EBPL: variants seen among roughly 807,000 people sequenced by gnomAD.
EBPL encodes the protein emopamil-binding protein-like.
EBPL carries 20 observed loss-of-function variants against 19.0 expected under a neutral mutation model. The ratio of observed to expected loss-of-function variants is 1.05; its 90% CI spans 0.74 to 1.53. The LOEUF (loss-of-function observed/expected upper bound fraction) is 1.53. EBPL is among the 40% of genes most tolerant of loss of function. The pLI, the probability that EBPL is intolerant of heterozygous loss-of-function variation, is 0.00. For synonymous variants in EBPL, 107 were observed against 117.0 expected (o/e 0.91, Z 0.55); for missense variants, 219 against 261.1 (o/e 0.84, Z 1.11).
rs73483834 is a variant in EBPL, at chr13:49,690,582, A to C, written c.171+672T>G. 9.8e-3 allele frequency among the ~76,000 whole-genome samples: 1,497 copies of C among 152,216 alleles called. 26 individuals are homozygous for C. The highest frequency in any genetic ancestry group is 0.034 in the African/African-American group (1,429 of 41,524). ...TTTTATAAAATGGGTTGAATCTCTAAGGACACATATTTCCTAAGACCTCGA... is the reference window on the plus strand; with the variant it reads ...TTTTATAAAATGGGTTGAATCTCTACGGACACATATTTCCTAAGACCTCGA... On this transcript the variant is annotated intron_variant, in intron 1 of 3. Transcript: ENST00000242827.
intron 3 of EBPL, chr13:49,662,004 T>A (rs1965157689): frequency 7.4e-7 from 1 of 1,351,048 alleles, no homozygotes; most frequent in South Asian, 1.2e-5. Flanking sequence ...TTTTCATCCT[T>A]TTTTTTTGAG....
At chr13:49,671,630 C>G (rs1953817510) in intron 1 of EBPL, among the ~76,000 whole-genome samples, 1 of 152,208 alleles carries the variant, frequency 6.6e-6, no homozygotes, top group Non-Finnish European at 1.5e-5. Flanking sequence ...ACTTTCTACA[C>G]AAAGCACATC....
intron 1 of EBPL, among the ~76,000 whole-genome samples, chr13:49,671,680 T>A (rs1361890419): frequency 2.0e-5 from 3 of 152,202 alleles, no homozygotes; most frequent in Non-Finnish European, 4.4e-5. Context: ...TGGACTGGAT[T>A]TGACCCTCTC....
chr13:49,690,703 T>C (rs941583303), intron 1 of EBPL, among the ~76,000 whole-genome samples: 1 of 152,208 alleles, frequency 6.6e-6, no homozygotes, highest in African/African-American at 2.4e-5. Context: ...TTGCAGCGCC[T>C]ACCTTCACCT....
At chr13:49,676,239 C>G (rs993128033) in intron 1 of EBPL, among the ~76,000 whole-genome samples, 1 of 126,244 alleles carries the variant, frequency 7.9e-6, no homozygotes, top group Non-Finnish European at 1.8e-5. Flanking sequence ...GGCAAGGGGT[C>G]TGCAGTGAAT....
intron 1 of EBPL, among the ~76,000 whole-genome samples, chr13:49,690,996 CAT>C (rs761263025): frequency 2.0e-5 from 3 of 152,228 alleles, no homozygotes; most frequent in African/African-American, 7.2e-5. Context: ...TCTAAACTAA[CAT>C]AGCACGTACA....
At chr13:49,689,537 C>CG in intron 1 of EBPL, among the ~76,000 whole-genome samples, 2 of 152,112 alleles carry the variant, frequency 1.3e-5, no homozygotes, top group South Asian at 4.2e-4. Context: ...TTAGTACAGA[C>CG]GGGGTTTCAC....
rs567528721 is a variant in EBPL at position 49,668,495 on chromosome 13, A to G, written c.241+1282T>C. On this transcript the variant is annotated intron_variant, in intron 2 of 3. Coordinates refer to ENST00000242827, the MANE Select transcript of EBPL (RefSeq NM_032565.5). ...AGGCTGAGGCAGGAGAATGGCGTGAACCTGGGAGGCGGAGCTTGCAGTGAG... is the reference window on the plus strand; with the variant it reads ...AGGCTGAGGCAGGAGAATGGCGTGAGCCTGGGAGGCGGAGCTTGCAGTGAG... The G allele has an allele frequency of 1.2e-3, 337 of 276,382 alleles. 1 individual carries two copies. Among genetic ancestry groups the G allele is most frequent in the Admixed American group, 3.6e-3 (71 of 19,634 alleles). The allele number at this position is 276,382 out of a possible 1,614,324, so 17.1% of individuals were successfully genotyped here.
intron 1 of EBPL, among the ~76,000 whole-genome samples, chr13:49,687,655 G>A (rs1461150908): frequency 6.6e-6 from 1 of 152,208 alleles, no homozygotes; most frequent in African/African-American, 2.4e-5. Flanking sequence ...CCAGAGAGAA[G>A]TATGGACAGG....
intron 1 of EBPL, among the ~76,000 whole-genome samples, chr13:49,682,129 G>A (rs1321231918): frequency 6.6e-6 from 1 of 152,138 alleles, no homozygotes; most frequent in Non-Finnish European, 1.5e-5. Context: ...TTAATTAGAC[G>A]ATGATTTCCA....
chr13:49,669,872 CT>C, intron 1 of EBPL, 26 bp from the exon 2 acceptor site: 1 of 1,574,722 alleles, frequency 6.4e-7, no homozygotes, highest in Non-Finnish European at 8.7e-7. Flanking sequence ...TGAAGACATG[CT>C]CTAATACAGC....
At chr13:49,665,429 G>A (rs191577497) in intron 2 of EBPL, among the ~76,000 whole-genome samples, 156 of 152,292 alleles carry the variant, frequency 1.0e-3, no homozygotes, top group South Asian at 2.3e-3. Context: ...TCACCACCAT[G>A]CCCGGCTAAT....
At chr13:49,677,992 A>C (rs1270970305) in intron 1 of EBPL, among the ~76,000 whole-genome samples, 1 of 149,772 alleles carries the variant, frequency 6.7e-6, no homozygotes, top group Non-Finnish European at 1.5e-5. Flanking sequence ...TATTGCAAAG[A>C]GCTAAAGAAC....
chr13:49,663,300 C>T (rs947512221), intron 2 of EBPL, 105 bp from the exon 3 acceptor site: 20 of 1,414,864 alleles, frequency 1.4e-5, no homozygotes, highest in Non-Finnish European at 2.0e-5. Context: ...GAGTAATCGC[C>T]ACTCTCTCTG....
At chr13:49,675,696 C>A (rs2137498272) in intron 1 of EBPL, among the ~76,000 whole-genome samples, 1 of 152,192 alleles carries the variant, frequency 6.6e-6, no homozygotes, top group South Asian at 2.1e-4. Flanking sequence ...GGTTTCAATT[C>A]CTTTGGGTGT....
At chr13:49,678,403 G>A (rs954664115) in intron 1 of EBPL, among the ~76,000 whole-genome samples, 7 of 152,222 alleles carry the variant, frequency 4.6e-5, no homozygotes, top group African/African-American at 9.6e-5. Context: ...CTTCAGGAGC[G>A]GGGGTGGTGC....
Position 49,661,113 on chromosome 13 carries a change from G to A in EBPL, c.476C>T (p.Thr159Ile). 2 of 1,614,154 alleles carry A rather than the reference G, an allele frequency of 1.2e-6. No homozygotes were observed. Among genetic ancestry groups the A allele is most frequent in the African/African-American group, 1.3e-5 (1 of 75,020 alleles). Residue 159 changes from threonine (T) to isoleucine (I), a missense_variant, in exon 4 of 4, where the codon ACC (threonine) becomes ATC (isoleucine). Thr to Ile is a moderately conservative substitution (Grantham distance 89, BLOSUM62 -1). Around this residue, in one of 2 missense-constraint regions of EBPL, gnomAD observed 49 missense variants for 94.1 expected, o/e 0.52. Transcript: ENST00000242827. ...AAGCCAACAGTACAGCCAGTTGCTG[G>A]TGTTGAGGTTGGGGCTTCTGGTGAG... The part of the protein sequence containing the change: ...EWLTRSPNLN[T>I]SNWLYCWLYL...
At chr13:49,685,553 CA>C (rs1301834584) in intron 1 of EBPL, among the ~76,000 whole-genome samples, 1 of 152,134 alleles carries the variant, frequency 6.6e-6, no homozygotes, top group African/African-American at 2.4e-5. Flanking sequence ...AGCCTAGCAC[CA>C]AAACAGCAAA....
At chr13:49,663,914 G>C (rs567994540) in intron 2 of EBPL, among the ~76,000 whole-genome samples, 7 of 137,570 alleles carry the variant, frequency 5.1e-5, no homozygotes, top group Non-Finnish European at 1.1e-4. Context: ...GACAGAGCGA[G>C]ACTCCGTCTC....
Sources: allele counts gnomAD v4.1 joint callset (sites outside exome capture counted in the v4.1 genomes callset), GRCh38; gene constraint gnomAD v4.1.1; regional missense constraint gnomAD v4.1.1; transcripts MANE v1.5; gene names NCBI Gene and HGNC (gene_info 2026-07-23, HGNC 2026-07-21).